Variants in MAP3K2 observed in about 807,000 individuals in gnomAD.
MAP3K2 encodes MAP/ERK kinase kinase 2.
Under a neutral mutation model 80.3 loss-of-function variants are expected in MAP3K2, and 24 were observed. That is an observed-to-expected ratio of 0.30 (90% CI 0.22 to 0.42). The LOEUF (loss-of-function observed/expected upper bound fraction) is 0.42, where lower values mean the gene tolerates loss of function less well. MAP3K2 is among the 10% of genes least tolerant of loss of function. The pLI is 1.00. For missense variants in MAP3K2, 608 were observed against 750.1 expected, an observed-to-expected ratio of 0.81 and a Z score of 2.21; for synonymous variants, 244 against 253.7, an observed-to-expected ratio of 0.96 and a Z score of 0.36.
At chr2:127,331,438 T>A (rs1686253534) in intron 5 of MAP3K2, among the ~76,000 whole-genome samples, 2 of 152,140 alleles carry the variant, frequency 1.3e-5, no homozygotes, top group Admixed American at 1.3e-4. Flanking sequence ...CTCTACAGTA[T>A]AAATTCTTTG....
chr2:127,340,987 G>C (rs1449322263), intron 2 of MAP3K2, among the ~76,000 whole-genome samples: 4 of 151,858 alleles, frequency 2.6e-5, no homozygotes, highest in Admixed American at 1.3e-4. Flanking sequence ...TTCTTTTTGG[G>C]GGGGACGGGG....
rs1282126214 is a variant in MAP3K2 at position 127,350,528 on chromosome 2, G to A, written c.-65-7334C>T. ...AAGATAAACAAATAAATCAACAATG[G>A]GAGGAAGAGAAAGCTTTTTCTTACA... On this transcript the variant is annotated intron_variant, in intron 1 of 16. Transcript: ENST00000682094. Among the ~76,000 whole-genome samples the A allele has an allele frequency of 2.6e-5, 4 of 151,064 alleles. No homozygotes were observed. The East Asian group carries it at 7.7e-4, about 29-fold the overall frequency.
chr2:127,341,176 A>AGATG (rs1465801132), intron 2 of MAP3K2, among the ~76,000 whole-genome samples: 2 of 151,790 alleles, frequency 1.3e-5, no homozygotes, highest in Non-Finnish European at 2.9e-5. Context: ...TTTTTAGTAG[A>AGATG]GATGGGGTTT....
chr2:127,324,306 T>C (rs530375259), intron 9 of MAP3K2, 65 bp from the exon 10 acceptor site: 2 of 958,896 alleles, frequency 2.1e-6, no homozygotes, highest in South Asian at 1.6e-5. Context: ...AGAAAATCTT[T>C]GAGCAATATC....
At chr2:127,379,316 G>A (rs1687208834) in intron 1 of MAP3K2, among the ~76,000 whole-genome samples, 2 of 151,898 alleles carry the variant, frequency 1.3e-5, no homozygotes, top group South Asian at 4.2e-4. Context: ...AATGTTTTTG[G>A]AATACTTATT....
At chr2:127,367,307 G>A (rs1224808567) in intron 1 of MAP3K2, among the ~76,000 whole-genome samples, 3 of 152,018 alleles carry the variant, frequency 2.0e-5, no homozygotes, top group East Asian at 3.8e-4. Flanking sequence ...TGTAAATACT[G>A]TCTGACATAT....
At chr2:127,332,660 T>C (rs1054397494) in intron 5 of MAP3K2, among the ~76,000 whole-genome samples, 1 of 152,276 alleles carries the variant, frequency 6.6e-6, no homozygotes, top group Non-Finnish European at 1.5e-5. Context: ...TTCAGTCTCA[T>C]TCATGAAATC....
At chr2:127,380,886 T>C (rs1016332069) in intron 1 of MAP3K2, among the ~76,000 whole-genome samples, 1 of 152,226 alleles carries the variant, frequency 6.6e-6, no homozygotes, top group Non-Finnish European at 1.5e-5. Context: ...TTGTATTACA[T>C]ACATTTGATT....
chr2:127,317,715 G>C lies in MAP3K2; in HGVS notation c.1240C>G (p.Leu414Val), dbSNP rs768259312. 29 of 1,601,068 alleles carry C rather than the reference G, an allele frequency of 1.8e-5. No homozygotes were observed. In the East Asian group the frequency reaches 6.3e-4, roughly 35 times the overall value. ...ECEIQLLKNLLHERIVQYYGC... is the reference protein window; with the variant it reads ...ECEIQLLKNLVHERIVQYYGC... ...TAATACTGAACAATTCGCTCATGTA[G>C]CAAGTTTTTCAGCAACTGAATTTCA... The change falls in exon 14 of 17, where the codon CTA becomes GTA. Residue 414 changes from leucine to valine, a missense_variant. Around this residue, in one of 4 missense-constraint regions of MAP3K2, gnomAD observed 467 missense variants for 521.9 expected, o/e 0.89. Transcript: ENST00000682094.
chr2:127,380,271 G>A (rs892934166), intron 1 of MAP3K2, among the ~76,000 whole-genome samples: 1 of 152,146 alleles, frequency 6.6e-6, no homozygotes, highest in Admixed American at 6.5e-5. Context: ...CAAGTACAAT[G>A]GTAGAGGCAA....
In MAP3K2 at chr2:127,318,484, C is replaced by CT. The variant is rs570408019; in HGVS notation, c.1046-168dup. On this transcript the variant is annotated intron_variant, in intron 12 of 16. Coordinates refer to ENST00000682094, the MANE Select transcript of MAP3K2 (RefSeq NM_001371910.2). ...CAGTTACCGTCTTTCAAATTTTTCT[C>CT]TTTCGTCAATTTTCTACAAATCCTA... is the stretch of plus-strand genomic sequence containing the variant. Among the ~76,000 whole-genome samples, 35 of 152,278 alleles carry CT rather than the reference C, an allele frequency of 2.3e-4. No individual in the cohort carries two copies. In the South Asian group the frequency reaches 5.2e-3, roughly 23 times the overall value.
At chr2:127,342,662 A>G (rs1686519432) in intron 2 of MAP3K2, among the ~76,000 whole-genome samples, 1 of 120,330 alleles carries the variant, frequency 8.3e-6, no homozygotes, top group African/African-American at 3.3e-5. Context: ...GAGAAAAGGA[A>G]AAAACAAAAA....
Position 127,299,689 on chromosome 2 carries a change from TA to T in MAP3K2, c.*7889del, listed in dbSNP as rs1434096508. 1.3e-5 allele frequency: 2 copies of T among 152,196 alleles called. No individual in the cohort carries two copies. Among genetic ancestry groups the T allele is most frequent in the Non-Finnish European group, 2.9e-5 (2 of 68,006 alleles). 9.4% of individuals were successfully genotyped at this position (152,196 alleles called of 1,614,324 possible). On this transcript the variant is annotated 3_prime_UTR_variant, in exon 17 of 17. Coordinates refer to ENST00000682094, the MANE Select transcript of MAP3K2 (RefSeq NM_001371910.2). ...AATGCTTTTTCTTGCAAGAGTATTT[TA>T]ATTGAGCTCTAAGTATGACTTGCAT...
chr2:127,361,109 C>A (rs1027768775), intron 1 of MAP3K2, among the ~76,000 whole-genome samples: 3 of 151,898 alleles, frequency 2.0e-5, no homozygotes, highest in African/African-American at 7.3e-5. Flanking sequence ...GTCAGGAGAT[C>A]GAGACCATCC....
chr2:127,343,256 A>G, intron 1 of MAP3K2, 62 bp from the exon 2 acceptor site: 2 of 587,364 alleles, frequency 3.4e-6, no homozygotes, highest in Non-Finnish European at 5.8e-6. Flanking sequence ...CCAGGAAAAG[A>G]AAAAAAAAAG....
intron 11 of MAP3K2, 98 bp downstream of exon 11, chr2:127,323,804 G>A: frequency 2.1e-6 from 1 of 486,336 alleles, no homozygotes; most frequent in South Asian, 5.2e-5. Flanking sequence ...TTTTTCTAAT[G>A]GTATTAACAC....
chr2:127,346,293 A>C lies in MAP3K2; in HGVS notation c.-65-3099T>G, dbSNP rs183722988. ...ATCGACTCATCAAGAAGAAATTAAG[A>C]ATTTGAACAGACCTATAAAAAGTAA... is the stretch of plus-strand genomic sequence containing the variant. On this transcript the variant is annotated intron_variant, in intron 1 of 16. Transcript: ENST00000682094. Among the ~76,000 whole-genome samples the C allele has an allele frequency of 2.7e-3, 404 of 151,840 alleles. 8 individuals are homozygous for C. Among genetic ancestry groups the C allele is most frequent in the African/African-American group, 9.5e-3 (393 of 41,402 alleles).
chr2:127,367,417 T>C (rs1269083001), intron 1 of MAP3K2, among the ~76,000 whole-genome samples: 1 of 152,222 alleles, frequency 6.6e-6, no homozygotes, highest in Non-Finnish European at 1.5e-5. Flanking sequence ...ATATGAAACA[T>C]AATGTTGATC....
rs1041716296 is a variant in MAP3K2 at position 127,387,522 on chromosome 2, G to C, written c.-136C>G. 2.0e-6 allele frequency: 2 copies of C among 984,718 alleles called. No homozygotes were observed. The highest frequency in any genetic ancestry group is 6.2e-5 in the Admixed American group (1 of 16,224). 61.0% of individuals were successfully genotyped at this position (984,718 alleles called of 1,614,324 possible). A position where few individuals can be genotyped will look rare whatever the true frequency, so the allele number is the denominator to read the frequency against. On this transcript the variant is annotated 5_prime_UTR_variant, in exon 1 of 17. Transcript: ENST00000682094. ...CCGCCCCCGCCGAGCCCGCCCCTCCGCCCCAGCGCGGCCTGTCACCGCGGC... is the reference window on the plus strand; with the variant it reads ...CCGCCCCCGCCGAGCCCGCCCCTCCCCCCCAGCGCGGCCTGTCACCGCGGC...
Sources: allele counts gnomAD v4.1 joint callset (sites outside exome capture counted in the v4.1 genomes callset), GRCh38; gene constraint gnomAD v4.1.1; regional missense constraint gnomAD v4.1.1; transcripts MANE v1.5; gene names NCBI Gene and HGNC (gene_info 2026-07-23, HGNC 2026-07-21).